Variants in RASAL2 observed in about 807,000 individuals in gnomAD.
RASAL2 encodes the protein RAS protein activator like 2, also known as ras GTPase-activating protein nGAP.
In RASAL2, 58 loss-of-function variants were observed where a neutral mutation model predicts 128.9. The observed-to-expected ratio is 0.45, with a 90% confidence interval of 0.36 to 0.56. RASAL2 has a LOEUF of 0.56. RASAL2 is among the 20% of genes least tolerant of loss of function. RASAL2 has a pLI of 0.00. For missense variants in RASAL2, 1,360 were observed against 1,601.6 expected (o/e 0.85, Z 2.57); for synonymous variants, 561 against 580.8 (o/e 0.97, Z 0.49).
chr1:178,135,596 T>C (rs1660294735), intron 1 of RASAL2, among the ~76,000 whole-genome samples: 1 of 151,804 alleles, frequency 6.6e-6, no homozygotes, highest in African/African-American at 2.4e-5. Flanking sequence ...ATTTACCTAT[T>C]ATAGCAATTA....
chr1:178,319,755 C>CA (rs1179164980), intron 3 of RASAL2, among the ~76,000 whole-genome samples: 1 of 151,988 alleles, frequency 6.6e-6, no homozygotes, highest in African/African-American at 2.4e-5. Flanking sequence ...TCCCGTAGCT[C>CA]AGAGTAATTT....
chr1:178,431,710 A>G (rs897963551), intron 5 of RASAL2, among the ~76,000 whole-genome samples: 4 of 151,972 alleles, frequency 2.6e-5, no homozygotes, highest in Admixed American at 2.6e-4. Flanking sequence ...AGGCTCATGT[A>G]AAGGAATACT....
chr1:178,416,400 TTATA>T (rs1377907919), intron 4 of RASAL2, among the ~76,000 whole-genome samples: 1 of 152,014 alleles, frequency 6.6e-6, no homozygotes, highest in Non-Finnish European at 1.5e-5. Context: ...TTCATTTCCC[TTATA>T]TATAAGTATA....
chr1:178,140,072 A>G lies in RASAL2; in HGVS notation c.202+45378A>G, dbSNP rs181941313. Among the ~76,000 whole-genome samples the G allele has an allele frequency of 3.3e-5, 5 of 152,316 alleles. No individual in the cohort carries two copies. In the East Asian group the frequency reaches 9.6e-4, roughly 29 times the overall value. The stretch of plus-strand genomic sequence containing the variant: ...CCAGTTCTATATTATTCTAAAACCT[A>G]TGAAAGCAGATTGGAAGTTTAAAAT... On this transcript the variant is annotated intron_variant, in intron 1 of 17. Coordinates refer to ENST00000367649, the MANE Select transcript of RASAL2 (RefSeq NM_170692.4).
At chr1:178,234,797 C>A (rs562743040) in intron 1 of RASAL2, among the ~76,000 whole-genome samples, 11 of 152,108 alleles carry the variant, frequency 7.2e-5, no homozygotes, top group South Asian at 2.1e-4. Flanking sequence ...AAGGTTTAAA[C>A]CCTTTCTAAA....
chr1:178,447,673 TA>T (rs60358768), intron 9 of RASAL2, among the ~76,000 whole-genome samples: 1,254 of 55,902 alleles, frequency 0.022, 4 homozygotes, highest in Non-Finnish European at 0.031. Flanking sequence ...CTCCTTCTCT[TA>T]AAAAAAAAAA....
intron 4 of RASAL2, among the ~76,000 whole-genome samples, chr1:178,395,703 C>G (rs1178184412): frequency 2.0e-5 from 3 of 151,184 alleles, no homozygotes; most frequent in African/African-American, 4.9e-5. Context: ...CCTCTTTTCA[C>G]TAACCATCTG....
In RASAL2 at chr1:178,121,416, A is replaced by G. The variant is rs541358168; in HGVS notation, c.202+26722A>G. Among the ~76,000 whole-genome samples the G allele has an allele frequency of 7.9e-5, 12 of 152,328 alleles. No homozygotes were observed. In the East Asian group the frequency reaches 2.3e-3, roughly 29 times the overall value. ...GTTGTGATTTGCTCAGTTAGAGACTAATCCAGTGGTTGATTTCTCAACCTC... is the reference window on the plus strand; with the variant it reads ...GTTGTGATTTGCTCAGTTAGAGACTGATCCAGTGGTTGATTTCTCAACCTC... On this transcript the variant is annotated intron_variant, in intron 1 of 17. Transcript: ENST00000367649.
At chr1:178,252,676 A>G (rs768232046) in intron 1 of RASAL2, among the ~76,000 whole-genome samples, 1 of 152,200 alleles carries the variant, frequency 6.6e-6, no homozygotes, top group Non-Finnish European at 1.5e-5. Context: ...ATCTTTAGAT[A>G]TGAATTAAAG....
At chr1:178,200,178 C>T (rs532436169) in intron 1 of RASAL2, among the ~76,000 whole-genome samples, 1 of 152,218 alleles carries the variant, frequency 6.6e-6, no homozygotes, top group South Asian at 2.1e-4. Context: ...ATTTTGGTAC[C>T]AAGAGTGGTT....
intron 1 of RASAL2, among the ~76,000 whole-genome samples, chr1:178,104,830 A>G (rs781164572): frequency 1.3e-5 from 2 of 152,158 alleles, no homozygotes; most frequent in Non-Finnish European, 2.9e-5. Flanking sequence ...TTCCAAGTGA[A>G]TGAGGGAAGG....
chr1:178,149,012 C>T (rs1660822349), intron 1 of RASAL2, among the ~76,000 whole-genome samples: 1 of 152,038 alleles, frequency 6.6e-6, no homozygotes, highest in Non-Finnish European at 1.5e-5. Context: ...TTTCCCCTTC[C>T]CTCCCTTCTT....
intron 1 of RASAL2, among the ~76,000 whole-genome samples, chr1:178,148,080 A>T (rs1461027255): frequency 6.6e-6 from 1 of 152,078 alleles, no homozygotes; most frequent in Non-Finnish European, 1.5e-5. Flanking sequence ...CAAAATAAAT[A>T]AATTAATTAA....
chr1:178,269,886 A>C (rs1666164758), intron 1 of RASAL2, among the ~76,000 whole-genome samples: 1 of 152,138 alleles, frequency 6.6e-6, no homozygotes, highest in African/African-American at 2.4e-5. Context: ...CGTGAGATCC[A>C]AGAACCCTCT....
chr1:178,192,973 C>G (rs1558106520), intron 1 of RASAL2, among the ~76,000 whole-genome samples: 1 of 152,056 alleles, frequency 6.6e-6, no homozygotes, highest in African/African-American at 2.4e-5. Flanking sequence ...CAGATAGAGA[C>G]AGCCAGACTG....
intron 3 of RASAL2, among the ~76,000 whole-genome samples, chr1:178,364,513 C>T (rs1158019663): frequency 1.3e-5 from 2 of 152,188 alleles, no homozygotes; most frequent in Admixed American, 6.5e-5. Context: ...ACCTCACGTA[C>T]TACCTAGTAC....
intron 1 of RASAL2, among the ~76,000 whole-genome samples, chr1:178,166,119 C>A (rs1044496953): frequency 6.6e-6 from 1 of 152,062 alleles, no homozygotes; most frequent in Non-Finnish European, 1.5e-5. Context: ...GAAAGTAAAA[C>A]GAGACCTGTC....
intron 1 of RASAL2, among the ~76,000 whole-genome samples, chr1:178,248,396 CTT>C: frequency 6.6e-6 from 1 of 151,594 alleles, no homozygotes; most frequent in African/African-American, 2.4e-5. Flanking sequence ...TGCAACCCTG[CTT>C]TTTTTGCTTT....
chr1:178,111,797 T>A (rs1269845212), intron 1 of RASAL2, among the ~76,000 whole-genome samples: 1 of 152,192 alleles, frequency 6.6e-6, no homozygotes, highest in East Asian at 1.9e-4. Context: ...TGGCATGATT[T>A]CAGCTCACTG....
Sources: allele counts gnomAD v4.1 joint callset (sites outside exome capture counted in the v4.1 genomes callset), GRCh38; gene constraint gnomAD v4.1.1; transcripts MANE v1.5; gene names NCBI Gene and HGNC (gene_info 2026-07-23, HGNC 2026-07-21).